The following CNOT4 variants were observed in gnomAD, a reference collection of about 807,000 sequenced individuals.
CNOT4 encodes CCR4-NOT transcription complex subunit 4, also known as CCR4-associated factor 4.
In CNOT4, 8 loss-of-function variants were observed where a neutral mutation model predicts 73.8. The ratio of observed to expected loss-of-function variants is 0.11; its 90% CI spans 0.06 to 0.20. The LOEUF (loss-of-function observed/expected upper bound fraction) is 0.20. CNOT4 is among the 10% of genes least tolerant of loss of function. The pLI is 1.00. For synonymous variants in CNOT4, 293 were observed against 321.1 expected, an observed-to-expected ratio of 0.91 and a Z score of 0.94; for missense variants, 564 against 883.4, an observed-to-expected ratio of 0.64 and a Z score of 4.58.
At chr7:135,405,847 T>A (rs1173085954) in intron 7 of CNOT4, among the ~76,000 whole-genome samples, 1 of 152,092 alleles carries the variant, frequency 6.6e-6, no homozygotes, top group African/African-American at 2.4e-5. Context: ...TAAGAGAAAA[T>A]CACATTTTAA....
chr7:135,454,187 C>G (rs1444773398), intron 1 of CNOT4, among the ~76,000 whole-genome samples: 1 of 151,736 alleles, frequency 6.6e-6, no homozygotes, highest in Non-Finnish European at 1.5e-5. Flanking sequence ...TCTATTATGA[C>G]TCAGTAAAGC....
At chr7:135,469,563 T>A (rs1349943699) in intron 1 of CNOT4, among the ~76,000 whole-genome samples, 4 of 152,204 alleles carry the variant, frequency 2.6e-5, no homozygotes, top group East Asian at 1.9e-4. Flanking sequence ...TGGCTTTTTT[T>A]ATACTTGGGA....
At chr7:135,413,830 G>T (rs1164052556) in intron 5 of CNOT4, among the ~76,000 whole-genome samples, 1 of 151,966 alleles carries the variant, frequency 6.6e-6, no homozygotes, top group Non-Finnish European at 1.5e-5. Context: ...ATCTGTCTAT[G>T]GTTTCCAAAA....
chr7:135,384,154 C>T (rs1378685990), intron 10 of CNOT4: 3 of 152,430 alleles, frequency 2.0e-5, no homozygotes, highest in African/African-American at 4.8e-5. Flanking sequence ...ACTCTTTCAC[C>T]CCCATTTTCA....
intron 1 of CNOT4, among the ~76,000 whole-genome samples, chr7:135,476,059 T>C (rs560435201): frequency 7.2e-5 from 11 of 152,198 alleles, no homozygotes; most frequent in Non-Finnish European, 1.3e-4. Context: ...CTGACTAAAC[T>C]GGACTGACAA....
At chr7:135,499,092 G>A (rs1803791624) in intron 1 of CNOT4, among the ~76,000 whole-genome samples, 1 of 152,080 alleles carries the variant, frequency 6.6e-6, no homozygotes, top group African/African-American at 2.4e-5. Context: ...CATATTAAAA[G>A]ATAGGGAGTG....
intron 2 of CNOT4, among the ~76,000 whole-genome samples, chr7:135,432,831 T>A (rs1340125007): frequency 6.6e-6 from 1 of 152,210 alleles, no homozygotes; most frequent in African/African-American, 2.4e-5. Context: ...AAGATGAAAA[T>A]TAATTTCCTT....
intron 10 of CNOT4, among the ~76,000 whole-genome samples, chr7:135,391,078 C>G (rs73158925): frequency 1.8e-4 from 27 of 152,216 alleles, no homozygotes; most frequent in East Asian, 5.8e-4. Context: ...AAGTGAGTTA[C>G]AACAGGTGCA....
intron 10 of CNOT4, among the ~76,000 whole-genome samples, chr7:135,371,014 A>G (rs1176609915): frequency 2.0e-5 from 3 of 152,242 alleles, no homozygotes; most frequent in African/African-American, 4.8e-5. Flanking sequence ...GATATTAAAC[A>G]AAAGTCTCTA....
Position 135,503,646 on chromosome 7 carries a change from A to T in CNOT4, c.-93+6243T>A, listed in dbSNP as rs1348076737. ...ATATCATTTTAAATGGCAAAACCAA[A>T]ATATAACATTTTCTTTACCCAAGGA... is the stretch of plus-strand genomic sequence containing the variant. On this transcript the variant is annotated intron_variant, in intron 1 of 11. Transcript: ENST00000541284. 3.9e-5 allele frequency among the ~76,000 whole-genome samples: 6 copies of T among 152,168 alleles called. No individual in the cohort carries two copies. The East Asian group carries it at 1.2e-3, about 29-fold the overall frequency.
At position 135,481,682 on chromosome 7, in the gene CNOT4, A is replaced by G. The variant is rs1802388798; in HGVS notation, c.-93+28207T>C. On this transcript the variant is annotated intron_variant, in intron 1 of 11. Transcript: ENST00000541284. ...GCACTATTCACAACAGCCAAGACAA[A>G]GAACCAACTTAAGTGTCCATCAGCA... 2.6e-5 allele frequency among the ~76,000 whole-genome samples: 4 copies of G among 152,330 alleles called. No individual in the cohort carries two copies. The South Asian group carries it at 8.3e-4, about 32-fold the overall frequency.
rs754731577 is a variant in CNOT4, at chr7:135,363,153, G to C, written c.1874C>G (p.Ser625Cys). Residue 625 changes from serine (S) to cysteine (C), a missense_variant, in exon 12 of 12, where the codon TCT (serine) becomes TGT (cysteine). Ser to Cys is a moderately radical substitution (Grantham distance 112, BLOSUM62 -1). This residue lies in a region of CNOT4 where 53 missense variants were observed against 75.4 expected (regional missense o/e 0.70). Transcript: ENST00000541284. This position sits in a 1 kb window ranked among gnomAD's most constrained non-coding sequence, Gnocchi z 4.3. Reference sequence around the variant, plus strand: ...GTGTGGAGGATTGTCATCTTGAAGAGAGTCTAAACTGTTTCCTGAAGACGC... The same window carrying C: ...GTGTGGAGGATTGTCATCTTGAAGACAGTCTAAACTGTTTCCTGAAGACGC... ...IPASSGNSLD[S>C]LQDDNPPHWL... is the part of the protein sequence containing the mutation. 3.7e-6 allele frequency: 6 copies of C among 1,613,748 alleles called. No individual in the cohort carries two copies. The highest frequency in any genetic ancestry group is 4.2e-6 in the Non-Finnish European group (5 of 1,179,992).
intron 1 of CNOT4, among the ~76,000 whole-genome samples, chr7:135,454,434 G>A (rs760497246): frequency 1.3e-5 from 2 of 151,856 alleles, no homozygotes; most frequent in East Asian, 3.9e-4. Context: ...CAGGTGGATC[G>A]CTTGAGCTCA....
At chr7:135,435,690 C>A (rs1282775753) in intron 2 of CNOT4, among the ~76,000 whole-genome samples, 1 of 151,996 alleles carries the variant, frequency 6.6e-6, no homozygotes, top group South Asian at 2.1e-4. Flanking sequence ...TGTGTTAATT[C>A]TTGTTTTTGC....
At chr7:135,420,987 G>A (rs1798159583) in intron 3 of CNOT4, among the ~76,000 whole-genome samples, 1 of 152,142 alleles carries the variant, frequency 6.6e-6, no homozygotes. Context: ...TGAGTATCAT[G>A]TAACTAACGA....
intron 8 of CNOT4, among the ~76,000 whole-genome samples, chr7:135,396,566 G>A (rs1040180561): frequency 6.6e-6 from 1 of 152,186 alleles, no homozygotes; most frequent in African/African-American, 2.4e-5. Flanking sequence ...TTGGTGATAA[G>A]AGAGAAACTG....
At chr7:135,422,471 G>C in intron 2 of CNOT4, 118 bp from the exon 3 acceptor site, 1 of 590,544 alleles carries the variant, frequency 1.7e-6, no homozygotes, top group Middle Eastern at 4.6e-4. Flanking sequence ...CCCTTTATTA[G>C]AATGTTTTAA....
intron 10 of CNOT4, among the ~76,000 whole-genome samples, chr7:135,389,688 A>G (rs1052003096): frequency 2.0e-5 from 3 of 151,618 alleles, no homozygotes; most frequent in Non-Finnish European, 4.4e-5. Context: ...CAAAAACATG[A>G]AAAAAAAATC....
chr7:135,401,386 T>C (rs554411249), intron 7 of CNOT4, among the ~76,000 whole-genome samples: 17 of 152,298 alleles, frequency 1.1e-4, no homozygotes, highest in African/African-American at 4.1e-4. Context: ...TGGTCAAAAA[T>C]TGCCAGGTCC....
Sources: gnomAD v4.1 joint callset for allele counts (sites outside exome capture counted in the v4.1 genomes callset) on GRCh38, gnomAD v4.1.1 for gene constraint, gnomAD v4.1.1 regional missense constraint, Gnocchi (gnomAD v3.1) non-coding constraint, MANE v1.5 for transcripts, NCBI Gene and HGNC (gene_info 2026-07-23, HGNC 2026-07-21) for gene names.